The following PPP1R21 variants were observed in gnomAD, a reference collection of about 807,000 sequenced individuals.
PPP1R21 encodes KLRAQ motif containing 1.
A neutral mutation model predicts 112.8 loss-of-function variants in PPP1R21; 85 were observed. The observed-to-expected ratio is 0.75, with a 90% CI of 0.63 to 0.90. The LOEUF is 0.90. Ranked by LOEUF, PPP1R21 falls within the 40% of genes least tolerant of loss-of-function variation. The pLI is 0.00. For synonymous variants in PPP1R21, 381 were observed against 322.3 expected (o/e 1.18, Z -1.95); for missense variants, 1,199 against 901.5 (o/e 1.33, Z -4.23).
At chr2:48,505,490 A>T (rs1670332076) in intron 17 of PPP1R21, 74 bp from the exon 18 acceptor site, 1 of 1,126,776 alleles carries the variant, frequency 8.9e-7, no homozygotes, top group East Asian at 2.6e-5. Context: ...AGGAGAAAAT[A>T]TTAAAAGCGT....
chr2:48,479,187 C>G (rs1436343901), intron 12 of PPP1R21, among the ~76,000 whole-genome samples: 1 of 152,170 alleles, frequency 6.6e-6, no homozygotes, highest in African/African-American at 2.4e-5. Context: ...CGCCTCTGTC[C>G]ACACTTGCTC....
At chr2:48,506,243 G>A (rs1670368085) in intron 18 of PPP1R21, among the ~76,000 whole-genome samples, 1 of 152,132 alleles carries the variant, frequency 6.6e-6, no homozygotes, top group Admixed American at 6.6e-5. Context: ...TCAGGCGCAT[G>A]TCACCATGTC....
intron 9 of PPP1R21, among the ~76,000 whole-genome samples, chr2:48,467,285 C>G (rs1235639870): frequency 6.6e-6 from 1 of 151,998 alleles, no homozygotes; most frequent in Admixed American, 6.6e-5. Context: ...TTCTCCCCTG[C>G]TAATTCTAAA....
chr2:48,491,373 T>A (rs918684466), intron 15 of PPP1R21, among the ~76,000 whole-genome samples: 1 of 152,058 alleles, frequency 6.6e-6, no homozygotes, highest in African/African-American at 2.4e-5. Context: ...TTGCCTATAT[T>A]CGTAGGCCAT....
chr2:48,477,120 T>TG (rs1026987927), intron 12 of PPP1R21, among the ~76,000 whole-genome samples: 4 of 145,712 alleles, frequency 2.7e-5, no homozygotes, highest in Admixed American at 6.8e-5. Flanking sequence ...GAATTAATTT[T>TG]TTTTTTTTTT....
At chr2:48,459,050 C>G (rs1667854089) in intron 4 of PPP1R21, among the ~76,000 whole-genome samples, 1 of 148,936 alleles carries the variant, frequency 6.7e-6, no homozygotes, top group East Asian at 2.0e-4. Context: ...CGAGATCAAG[C>G]CACAGCACTC....
chr2:48,463,123 A>G (rs1668048074), intron 7 of PPP1R21, among the ~76,000 whole-genome samples: 1 of 152,194 alleles, frequency 6.6e-6, no homozygotes, highest in Admixed American at 6.5e-5. Flanking sequence ...TTCTAAATGA[A>G]AGACTAGACT....
At chr2:48,458,277 G>T (rs972408026) in intron 4 of PPP1R21, 50 bp downstream of exon 4, 2 of 1,250,316 alleles carry the variant, frequency 1.6e-6, no homozygotes, top group African/African-American at 3.0e-5. Context: ...TCTGTGATCT[G>T]TTAATGTGGA....
chr2:48,452,954 CTT>C (rs1319946542), intron 2 of PPP1R21, among the ~76,000 whole-genome samples: 26 of 138,382 alleles, frequency 1.9e-4, no homozygotes, highest in Non-Finnish European at 1.6e-4. Context: ...GTTGCTGTTC[CTT>C]TTTTTTTTTT....
Position 48,487,927 on chromosome 2 carries a change from A to C in PPP1R21, c.1446+1169A>C, listed in dbSNP as rs1453203592. 3.3e-5 allele frequency among the ~76,000 whole-genome samples: 5 copies of C among 152,336 alleles called. No individual in the cohort carries two copies. The East Asian group carries it at 9.6e-4, about 29-fold the overall frequency. On this transcript the variant is annotated intron_variant, in intron 14 of 21. Transcript: ENST00000294952. ...AACCAAAAGGACTGTATTCAGAACT[A>C]TCTTAGCCCATTTATTGCAGCAGAC...
Position 48,457,984 on chromosome 2 carries a change from A to C in PPP1R21, c.274-142A>C, listed in dbSNP as rs763844049. ...TCACATAGGAAAAGTTAAATGATGA[A>C]CTGTATAGCTTTTGCAGGATTGTTT... On this transcript the variant is annotated intron_variant, in intron 3 of 21. Transcript: ENST00000294952. 5.3e-5 allele frequency: 34 copies of C among 646,166 alleles called. No individual in the cohort carries two copies. In the East Asian group the frequency reaches 1.0e-3, roughly 20 times the overall value. The allele number at this position is 646,166 out of a possible 1,614,324, so 40.0% of individuals were successfully genotyped here. A position where few individuals can be genotyped will look rare whatever the true frequency, so the allele number is the denominator to read the frequency against.
intron 3 of PPP1R21, 52 bp downstream of exon 3, chr2:48,454,793 C>T: frequency 7.3e-7 from 1 of 1,375,502 alleles, no homozygotes; most frequent in Non-Finnish European, 1.0e-6. Flanking sequence ...GTTACTGACA[C>T]CTACAGGGCA....
chr2:48,448,638 A>G (rs1350680929), intron 1 of PPP1R21, among the ~76,000 whole-genome samples: 6 of 152,202 alleles, frequency 3.9e-5, no homozygotes, highest in Middle Eastern at 3.2e-3. Flanking sequence ...CTGAAGCAGT[A>G]TTGCTATTTT....
Position 48,498,476 on chromosome 2 carries a change from C to T in PPP1R21, c.1693-17C>T. On this transcript the variant is annotated splice_polypyrimidine_tract_variant and intron_variant, in intron 16 of 21. Transcript: ENST00000294952. The stretch of plus-strand genomic sequence containing the variant: ...CTGTATTAGTCTCTAAGATACAACA[C>T]TCTGTTACTTTTCAAGGTTCAACAG... The T allele has an allele frequency of 1.2e-6, 2 of 1,613,380 alleles. No homozygotes were observed. Among genetic ancestry groups the T allele is most frequent in the Non-Finnish European group, 1.7e-6 (2 of 1,179,608 alleles).
Position 48,460,097 on chromosome 2 carries a change from G to A in PPP1R21, c.543G>A (p.Val181=). Residue 181 remains valine (V), a splice_region_variant and synonymous_variant, in exon 6 of 22, where the codon GTG becomes GTA. Coordinates refer to ENST00000294952, the MANE Select transcript of PPP1R21 (RefSeq NM_001135629.3). ...KLQNDKAKLE[V]KSQTLEKEAK... ...TTTCTTTTTCTTCTGAAATTCAGGT[G>A]AAATCTCAGACTCTAGAAAAGGAAG... 1 of 1,614,082 alleles carries A rather than the reference G, an allele frequency of 6.2e-7. No homozygotes were observed. Among genetic ancestry groups the A allele is most frequent in the Non-Finnish European group, 8.5e-7 (1 of 1,179,986 alleles).
rs978034090 is a variant in PPP1R21 at position 48,451,187 on chromosome 2, A to G, written c.126+111A>G. On this transcript the variant is annotated intron_variant, in intron 2 of 21. Coordinates refer to ENST00000294952, the MANE Select transcript of PPP1R21 (RefSeq NM_001135629.3). The stretch of plus-strand genomic sequence containing the variant: ...GTTCCAACTCTGACACTGATTCACT[A>G]GGGATAGGGGACAGTAATACAGTCT... 78 of 814,430 alleles carry G rather than the reference A, an allele frequency of 9.6e-5. No homozygotes were observed. The Admixed American group carries it at 1.3e-3, about 14-fold the overall frequency. The allele number at this position is 814,430 out of a possible 1,614,324, so 50.5% of individuals were successfully genotyped here. A position where few individuals can be genotyped will look rare whatever the true frequency, so the allele number is the denominator to read the frequency against.
chr2:48,459,646 G>C, intron 4 of PPP1R21, 108 bp from the exon 5 acceptor site: 6 of 1,198,912 alleles, frequency 5.0e-6, no homozygotes, highest in Non-Finnish European at 7.0e-6. Flanking sequence ...AACATAGTCA[G>C]CATATGGAAC....
At position 48,514,816 on chromosome 2, in the gene PPP1R21, C is replaced by T. The variant is rs878966407; in HGVS notation, c.*72C>T. ...CTGCACAGAGCCGCAGGGCTGAGACCACGTCCATGCTGGCTGCCTTCAGGA... is the reference window on the plus strand; with the variant it reads ...CTGCACAGAGCCGCAGGGCTGAGACTACGTCCATGCTGGCTGCCTTCAGGA... On this transcript the variant is annotated 3_prime_UTR_variant, in exon 22 of 22. Coordinates refer to ENST00000294952, the MANE Select transcript of PPP1R21 (RefSeq NM_001135629.3). The T allele has an allele frequency of 6.6e-7, 1 of 1,505,416 alleles. No homozygotes were observed. Among genetic ancestry groups the T allele is most frequent in the East Asian group, 2.3e-5 (1 of 44,334 alleles). The allele number at this position is 1,505,416 out of a possible 1,614,324, so 93.3% of individuals were successfully genotyped here.
chr2:48,476,698 G>A (rs1466303853), intron 12 of PPP1R21, among the ~76,000 whole-genome samples: 1 of 152,098 alleles, frequency 6.6e-6, no homozygotes, highest in Admixed American at 6.6e-5. Flanking sequence ...CTGATTGCGA[G>A]TGATGTTGAC....
Sources: allele counts gnomAD v4.1 joint callset (sites outside exome capture counted in the v4.1 genomes callset), GRCh38; gene constraint gnomAD v4.1.1; transcripts MANE v1.5; gene names NCBI Gene and HGNC (gene_info 2026-07-23, HGNC 2026-07-21).